The following PARD3 variants were observed in gnomAD, a reference collection of about 807,000 sequenced individuals.
PARD3 encodes the protein partitioning defective 3 homolog.
A neutral mutation model predicts 155.4 loss-of-function variants in PARD3; 75 were observed. The ratio of observed to expected loss-of-function variants is 0.48; its 90% CI spans 0.40 to 0.58. PARD3 has a LOEUF of 0.58. Among genes scored for constraint, PARD3 ranks in the 20% least tolerant of loss-of-function variants. PARD3 has a pLI of 0.00. For missense variants in PARD3, 1,642 were observed against 1,721.7 expected, an observed-to-expected ratio of 0.95 and a Z score of 0.82; for synonymous variants, 576 against 610.5, an observed-to-expected ratio of 0.94 and a Z score of 0.83.
chr10:34,634,630 G>A (rs2092400852), intron 2 of PARD3, among the ~76,000 whole-genome samples: 1 of 152,106 alleles, frequency 6.6e-6, no homozygotes, highest in South Asian at 2.1e-4. Context: ...AACAAAAACA[G>A]GGCAAAAAAT....
chr10:34,226,407 G>C (rs1952603917), intron 22 of PARD3, among the ~76,000 whole-genome samples: 1 of 152,194 alleles, frequency 6.6e-6, no homozygotes, highest in Non-Finnish European at 1.5e-5. Context: ...AAAAGTAGCT[G>C]GGTGTGTTGG....
At chr10:34,243,885 A>G (rs560836392) in intron 22 of PARD3, among the ~76,000 whole-genome samples, 16 of 152,326 alleles carry the variant, frequency 1.1e-4, no homozygotes, top group Middle Eastern at 3.4e-3. Context: ...TACTGCAAGC[A>G]GTCACTATGA....
At chr10:34,188,265 C>T (rs1382909566) in intron 22 of PARD3, among the ~76,000 whole-genome samples, 2 of 152,168 alleles carry the variant, frequency 1.3e-5, no homozygotes, top group South Asian at 4.1e-4. Context: ...GGCAAGGAGG[C>T]TCTTGAACAC....
intron 2 of PARD3, among the ~76,000 whole-genome samples, chr10:34,597,733 G>C (rs1310646333): frequency 6.6e-6 from 1 of 151,310 alleles, no homozygotes; most frequent in East Asian, 1.9e-4. Flanking sequence ...CGTGGAGATC[G>C]GAAGAGGAGA....
intron 5 of PARD3, among the ~76,000 whole-genome samples, chr10:34,434,409 C>T (rs1210358335): frequency 1.3e-5 from 2 of 152,182 alleles, no homozygotes; most frequent in African/African-American, 2.4e-5. Flanking sequence ...AAATATATCA[C>T]AATAGATTAT....
At chr10:34,322,957 T>C (rs759262848) in intron 19 of PARD3, among the ~76,000 whole-genome samples, 1 of 152,238 alleles carries the variant, frequency 6.6e-6, no homozygotes, top group Non-Finnish European at 1.5e-5. Flanking sequence ...TCACAAGCTA[T>C]ATTCTTAAAA....
At chr10:34,410,578 T>C (rs1844945850) in intron 5 of PARD3, among the ~76,000 whole-genome samples, 1 of 152,206 alleles carries the variant, frequency 6.6e-6, no homozygotes, top group Non-Finnish European at 1.5e-5. Flanking sequence ...CATTTTAAGG[T>C]AGCCAGTATC....
At chr10:34,322,775 G>C (rs1442581459) in intron 19 of PARD3, among the ~76,000 whole-genome samples, 1 of 152,144 alleles carries the variant, frequency 6.6e-6, no homozygotes, top group Non-Finnish European at 1.5e-5. Flanking sequence ...ATGAAGGACT[G>C]AATAAGCAGC....
chr10:34,693,053 G>A lies in PARD3; in HGVS notation c.222+3265C>T, dbSNP rs141903531. 1.1e-3 allele frequency among the ~76,000 whole-genome samples: 166 copies of A among 152,212 alleles called. No homozygotes were observed. In the Middle Eastern group the frequency reaches 0.014, roughly 12 times the overall value. On this transcript the variant is annotated intron_variant, in intron 2 of 24. Coordinates refer to ENST00000374788, the MANE Select transcript of PARD3 (RefSeq NM_001184785.2). ...AATTATTAAATAAAACAATACATCC[G>A]TGTCGCGTGAGAAATTCGAAGAAAA...
At chr10:34,681,163 A>G (rs1180500289) in intron 2 of PARD3, among the ~76,000 whole-genome samples, 1 of 152,194 alleles carries the variant, frequency 6.6e-6, no homozygotes, top group Non-Finnish European at 1.5e-5. Context: ...GCTTTTGAGA[A>G]CACAGCAACT....
intron 5 of PARD3, among the ~76,000 whole-genome samples, chr10:34,412,799 A>G (rs1845225251): frequency 6.6e-6 from 1 of 152,150 alleles, no homozygotes; most frequent in Non-Finnish European, 1.5e-5. Flanking sequence ...TATATGAAAC[A>G]TTTTCATATC....
intron 21 of PARD3, 33 bp downstream of exon 21, chr10:34,284,102 C>A: frequency 1.7e-6 from 2 of 1,161,352 alleles, no homozygotes; most frequent in South Asian, 1.4e-5. Flanking sequence ...GAACCTCTTT[C>A]TAAGGAGGTT....
rs947623766 is a variant in PARD3, at chr10:34,402,680, T to G, written c.715-763A>C. On this transcript the variant is annotated intron_variant, in intron 5 of 24. Coordinates refer to ENST00000374788, the MANE Select transcript of PARD3 (RefSeq NM_001184785.2). ...GACAAAGGCAATATTTTGTACAAAT[T>G]GCTCCAATGTGTTGCAGAAATTCAA... 2.0e-5 allele frequency among the ~76,000 whole-genome samples: 3 copies of G among 152,208 alleles called. No individual in the cohort carries two copies. The South Asian group carries it at 6.2e-4, about 31-fold the overall frequency.
chr10:34,131,429 G>C, intron 23 of PARD3, 34 bp downstream of exon 23: 1 of 1,613,012 alleles, frequency 6.2e-7, no homozygotes, highest in Non-Finnish European at 8.5e-7. Context: ...GAAGTTGTAG[G>C]ACCATTCACC....
At chr10:34,739,610 C>T (rs951711882) in intron 1 of PARD3, among the ~76,000 whole-genome samples, 1 of 152,112 alleles carries the variant, frequency 6.6e-6, no homozygotes, top group Non-Finnish European at 1.5e-5. Context: ...CCTCCTCTTG[C>T]CCTATAAGCA....
intron 2 of PARD3, among the ~76,000 whole-genome samples, chr10:34,529,284 T>A (rs2082678871): frequency 6.6e-6 from 1 of 152,234 alleles, no homozygotes; most frequent in Non-Finnish European, 1.5e-5. Flanking sequence ...TGCAGGTTCC[T>A]CTTCCCTTCC....
At chr10:34,635,164 A>T (rs1000725372) in intron 2 of PARD3, among the ~76,000 whole-genome samples, 15 of 152,266 alleles carry the variant, frequency 9.9e-5, no homozygotes, top group Non-Finnish European at 2.1e-4. Flanking sequence ...AAATGCAGCG[A>T]CGTGTTCAAG....
chr10:34,485,918 GTTTTTT>G (rs66906403), intron 3 of PARD3, among the ~76,000 whole-genome samples: 17 of 95,800 alleles, frequency 1.8e-4, no homozygotes, highest in African/African-American at 6.1e-4. Flanking sequence ...AACGTTTTGG[GTTTTTT>G]TTTTTTTTTT....
chr10:34,660,117 TAAC>T (rs1427767151), intron 2 of PARD3, among the ~76,000 whole-genome samples: 16 of 152,174 alleles, frequency 1.1e-4, no homozygotes, highest in Admixed American at 1.3e-4. Context: ...ATAACATCAA[TAAC>T]TCTAAGAAAA....
Sources: gnomAD v4.1 joint callset for allele counts (sites outside exome capture counted in the v4.1 genomes callset) on GRCh38, gnomAD v4.1.1 for gene constraint, MANE v1.5 for transcripts, NCBI Gene and HGNC (gene_info 2026-07-23, HGNC 2026-07-21) for gene names.